Variants in MARCHF1 observed in about 807,000 individuals in gnomAD.
The protein encoded by MARCHF1 is membrane associated ring-CH-type finger 1.
A neutral mutation model predicts 54.2 loss-of-function variants in MARCHF1; 40 were observed. That is an observed-to-expected ratio of 0.74 (90% CI 0.57 to 0.96). MARCHF1 has a LOEUF of 0.96. MARCHF1 is among the 40% of genes least tolerant of loss of function. The pLI is 0.00. For synonymous variants in MARCHF1, 236 were observed against 236.3 expected, an observed-to-expected ratio of 1.00 and a Z score of 0.01; for missense variants, 586 against 656.5, an observed-to-expected ratio of 0.89 and a Z score of 1.17.
chr4:163,803,523 G>A (rs921485201), intron 4 of MARCHF1, among the ~76,000 whole-genome samples: 3 of 149,586 alleles, frequency 2.0e-5, no homozygotes, highest in East Asian at 1.9e-4. Flanking sequence ...ATCCATAGGT[G>A]TCTTTAAACT....
At chr4:163,960,100 A>C (rs1461633888) in intron 3 of MARCHF1, among the ~76,000 whole-genome samples, 1 of 152,034 alleles carries the variant, frequency 6.6e-6, no homozygotes, top group African/African-American at 2.4e-5. Context: ...TCAAAACCAC[A>C]GTGAGATACC....
chr4:163,597,679 A>T (rs2110873393), intron 7 of MARCHF1, among the ~76,000 whole-genome samples: 1 of 152,242 alleles, frequency 6.6e-6, no homozygotes, highest in Non-Finnish European at 1.5e-5. Context: ...ATTCTACTTC[A>T]CTTTTTTTCT....
At chr4:163,881,701 G>A (rs1369203709) in intron 3 of MARCHF1, among the ~76,000 whole-genome samples, 1 of 151,994 alleles carries the variant, frequency 6.6e-6, no homozygotes, top group Non-Finnish European at 1.5e-5. Flanking sequence ...TATATGGAAT[G>A]TAGGAAATAC....
chr4:164,247,665 C>T (rs111838965), intron 1 of MARCHF1, among the ~76,000 whole-genome samples: 75 of 151,040 alleles, frequency 5.0e-4, no homozygotes, highest in African/African-American at 1.8e-3. Context: ...AAATGTAATC[C>T]CAGGCAATGG....
At chr4:164,063,912 T>C (rs1246319319) in intron 2 of MARCHF1, among the ~76,000 whole-genome samples, 2 of 152,196 alleles carry the variant, frequency 1.3e-5, no homozygotes, top group African/African-American at 2.4e-5. Flanking sequence ...ATTTATTTAA[T>C]AGGGAATTAT....
chr4:164,241,237 A>G (rs200140781), intron 1 of MARCHF1, among the ~76,000 whole-genome samples: 3 of 152,112 alleles, frequency 2.0e-5, no homozygotes, highest in East Asian at 3.9e-4. Context: ...AGCAGTATCT[A>G]TTCCCTAGGA....
chr4:163,889,379 C>T (rs1222487487), intron 3 of MARCHF1, among the ~76,000 whole-genome samples: 3 of 152,020 alleles, frequency 2.0e-5, no homozygotes, highest in Non-Finnish European at 2.9e-5. Context: ...GGACTTAAAC[C>T]CAGTCAGTGG....
At position 164,239,840 on chromosome 4, in the gene MARCHF1, T is replaced by A. The variant is rs570160153; in HGVS notation, c.-322-128178A>T. The stretch of plus-strand genomic sequence containing the variant: ...ACTTCCTCAGCAATTTTACAGAACA[T>A]AGTGTTGATTTTATATTTATGAAAA... On this transcript the variant is annotated intron_variant, in intron 1 of 9. Coordinates refer to ENST00000514618, the MANE Select transcript of MARCHF1 (RefSeq NM_001394959.1). Among the ~76,000 whole-genome samples the A allele has an allele frequency of 1.2e-4, 18 of 152,308 alleles. No individual in the cohort carries two copies. The East Asian group carries it at 3.5e-3, about 29-fold the overall frequency.
intron 2 of MARCHF1, among the ~76,000 whole-genome samples, chr4:164,038,584 G>C (rs934929133): frequency 3.3e-5 from 5 of 152,230 alleles, no homozygotes; most frequent in African/African-American, 4.8e-5. Context: ...CTGTAGGCTA[G>C]AGGTGTATAT....
chr4:163,835,573 C>T (rs929970512), intron 4 of MARCHF1, among the ~76,000 whole-genome samples: 5 of 152,194 alleles, frequency 3.3e-5, no homozygotes, highest in African/African-American at 1.2e-4. Context: ...CTGTACCTCA[C>T]TTTCATTTTC....
At chr4:163,999,698 T>A (rs1418930202) in intron 2 of MARCHF1, among the ~76,000 whole-genome samples, 1 of 151,642 alleles carries the variant, frequency 6.6e-6, no homozygotes, top group East Asian at 1.9e-4. Flanking sequence ...CATTAATTGC[T>A]ATTTATTGAG....
intron 1 of MARCHF1, among the ~76,000 whole-genome samples, chr4:164,330,501 T>C (rs932044950): frequency 6.6e-6 from 1 of 152,190 alleles, no homozygotes; most frequent in South Asian, 2.1e-4. Context: ...AAGCTCCATA[T>C]GCTTCAAACT....
At chr4:163,585,407 A>G (rs1361092170) in intron 8 of MARCHF1, 2 of 159,862 alleles carry the variant, frequency 1.3e-5, no homozygotes, top group African/African-American at 4.8e-5. Flanking sequence ...CCGTAAGCAC[A>G]ATGCTATCAT....
chr4:163,778,701 C>T (rs1417353708), intron 4 of MARCHF1, among the ~76,000 whole-genome samples: 2 of 152,020 alleles, frequency 1.3e-5, no homozygotes, highest in Non-Finnish European at 1.5e-5. Flanking sequence ...TTTATTGCAT[C>T]ATGGATGGAA....
intron 4 of MARCHF1, among the ~76,000 whole-genome samples, chr4:163,821,637 T>A (rs1748695620): frequency 2.0e-5 from 3 of 152,000 alleles, no homozygotes; most frequent in Admixed American, 2.0e-4. Flanking sequence ...AATTAGTTTT[T>A]AGGTTCTAAT....
At chr4:164,195,708 A>C (rs1221958913) in intron 1 of MARCHF1, among the ~76,000 whole-genome samples, 2 of 152,198 alleles carry the variant, frequency 1.3e-5, no homozygotes, top group Non-Finnish European at 2.9e-5. Context: ...CCAGCAATAA[A>C]GTTCTACAAA....
At chr4:163,540,385 G>A (rs1738683906) in intron 9 of MARCHF1, among the ~76,000 whole-genome samples, 1 of 152,088 alleles carries the variant, frequency 6.6e-6, no homozygotes, top group Non-Finnish European at 1.5e-5. Flanking sequence ...GGTGTGTGTG[G>A]GTGGCTATTG....
In MARCHF1 at chr4:164,092,036, AG is replaced by A. The variant is rs565453275; in HGVS notation, c.-248+19551del. ...TGGGTACAAAGTCATCATGTTGGTG[AG>A]GGATATATGCAAACAATCAACAAGG... is the stretch of plus-strand genomic sequence containing the variant. On this transcript the variant is annotated intron_variant, in intron 2 of 9. Coordinates refer to ENST00000514618, the MANE Select transcript of MARCHF1 (RefSeq NM_001394959.1). 3.2e-3 allele frequency among the ~76,000 whole-genome samples: 487 copies of A among 152,166 alleles called. 1 individual carries two copies. The highest frequency in any genetic ancestry group is 5.4e-3 in the Admixed American group (82 of 15,264).
chr4:163,589,097 T>G (rs1579089251), intron 7 of MARCHF1, among the ~76,000 whole-genome samples: 1 of 144,874 alleles, frequency 6.9e-6, no homozygotes, highest in Non-Finnish European at 1.5e-5. Context: ...CTGCAGGTAA[T>G]GCTATCAGAT....
Sources: allele counts gnomAD v4.1 joint callset (sites outside exome capture counted in the v4.1 genomes callset), GRCh38; gene constraint gnomAD v4.1.1; transcripts MANE v1.5; gene names NCBI Gene and HGNC (gene_info 2026-07-23, HGNC 2026-07-21).